MACROD2: variants seen among roughly 807,000 people sequenced by gnomAD.
The protein encoded by MACROD2 is ADP-ribose glycohydrolase MACROD2.
A neutral mutation model predicts 70.4 loss-of-function variants in MACROD2; 36 were observed. The ratio of observed to expected loss-of-function variants is 0.51; its 90% CI spans 0.39 to 0.68. The LOEUF (loss-of-function observed/expected upper bound fraction) is 0.68, where lower values mean the gene tolerates loss of function less well. MACROD2 is among the 30% of genes least tolerant of loss of function. The pLI is 0.00. For synonymous variants in MACROD2, 172 were observed against 178.8 expected (o/e 0.96, Z 0.30); for missense variants, 496 against 538.4 (o/e 0.92, Z 0.78).
At chr20:15,412,978 A>G (rs1473870297) in intron 6 of MACROD2, among the ~76,000 whole-genome samples, 2 of 152,230 alleles carry the variant, frequency 1.3e-5, no homozygotes, top group Non-Finnish European at 2.9e-5. Context: ...ATGCCTTACC[A>G]TAAGTAACTA....
intron 8 of MACROD2, among the ~76,000 whole-genome samples, chr20:15,652,133 G>C (rs1231564798): frequency 6.6e-6 from 1 of 152,104 alleles, no homozygotes; most frequent in Non-Finnish European, 1.5e-5. Flanking sequence ...TCAGAAACAA[G>C]CACTCACCTG....
chr20:15,387,219 A>C (rs2045725638), intron 6 of MACROD2, among the ~76,000 whole-genome samples: 1 of 152,168 alleles, frequency 6.6e-6, no homozygotes, highest in African/African-American at 2.4e-5. Context: ...GTGAGGTGAG[A>C]AGTTAATGTT....
At chr20:15,531,849 TA>T (rs2047806813) in intron 8 of MACROD2, among the ~76,000 whole-genome samples, 1 of 152,198 alleles carries the variant, frequency 6.6e-6, no homozygotes, top group Admixed American at 6.5e-5. Flanking sequence ...AAAGATCGAA[TA>T]ATTGCATTCT....
At chr20:15,497,833 G>C (rs1199306483) in intron 7 of MACROD2, among the ~76,000 whole-genome samples, 1 of 152,054 alleles carries the variant, frequency 6.6e-6, no homozygotes, top group Non-Finnish European at 1.5e-5. Context: ...CACTTGTCAT[G>C]CTGCATTTTG....
intron 3 of MACROD2, among the ~76,000 whole-genome samples, chr20:14,394,191 A>G (rs1459238848): frequency 6.6e-6 from 1 of 152,180 alleles, no homozygotes; most frequent in African/African-American, 2.4e-5. Context: ...GAATTTATAG[A>G]TCAATTTAAG....
chr20:14,321,662 C>T (rs1399559748), intron 3 of MACROD2, among the ~76,000 whole-genome samples: 1 of 152,164 alleles, frequency 6.6e-6, no homozygotes, highest in Non-Finnish European at 1.5e-5. Context: ...GCTTCAGATG[C>T]TTTAGGGCAT....
intron 3 of MACROD2, among the ~76,000 whole-genome samples, chr20:14,276,972 T>A (rs1242180745): frequency 6.6e-6 from 1 of 152,096 alleles, no homozygotes; most frequent in Non-Finnish European, 1.5e-5. Flanking sequence ...TTTAATTGAG[T>A]CTCCAAGACA....
chr20:15,768,568 A>G (rs2147011298), intron 8 of MACROD2, among the ~76,000 whole-genome samples: 1 of 152,326 alleles, frequency 6.6e-6, no homozygotes, highest in Middle Eastern at 3.4e-3. Context: ...ACTGCTGTAG[A>G]CTTCAGAAAC....
At chr20:14,694,776 G>A (rs1230441853) in intron 5 of MACROD2, among the ~76,000 whole-genome samples, 1 of 152,158 alleles carries the variant, frequency 6.6e-6, no homozygotes, top group Non-Finnish European at 1.5e-5. Context: ...TCAAGACTCA[G>A]ACATTTGCTC....
At chr20:15,486,253 A>G (rs970288818) in intron 7 of MACROD2, among the ~76,000 whole-genome samples, 4 of 152,128 alleles carry the variant, frequency 2.6e-5, no homozygotes, top group African/African-American at 9.7e-5. Flanking sequence ...GAGCCCACCT[A>G]TACTTCCAGT....
intron 3 of MACROD2, among the ~76,000 whole-genome samples, chr20:14,136,663 C>T (rs762627695): frequency 1.3e-5 from 2 of 152,096 alleles, no homozygotes; most frequent in Non-Finnish European, 2.9e-5. Context: ...TCAGGTGATT[C>T]TGATGCTCAA....
intron 8 of MACROD2, among the ~76,000 whole-genome samples, chr20:15,846,950 T>C (rs2064239601): frequency 1.1e-5 from 1 of 93,500 alleles, no homozygotes; most frequent in South Asian, 4.0e-4. Context: ...TATATATATA[T>C]ATGGCTTCTT....
chr20:14,060,789 T>C (rs1187701756), intron 2 of MACROD2, among the ~76,000 whole-genome samples: 1 of 152,152 alleles, frequency 6.6e-6, no homozygotes. Context: ...TGGTAAAAAA[T>C]GTTGAGCTTT....
intron 6 of MACROD2, among the ~76,000 whole-genome samples, chr20:15,362,108 T>C (rs975765585): frequency 1.3e-5 from 2 of 151,098 alleles, no homozygotes; most frequent in African/African-American, 2.4e-5. Flanking sequence ...GCCTCCCGGG[T>C]TCAAGCGATT....
intron 3 of MACROD2, among the ~76,000 whole-genome samples, chr20:14,343,292 A>G (rs987540711): frequency 6.6e-6 from 1 of 152,010 alleles, no homozygotes; most frequent in African/African-American, 2.4e-5. Flanking sequence ...GACTTGGAGG[A>G]AGCAGATTGA....
intron 6 of MACROD2, among the ~76,000 whole-genome samples, chr20:15,247,102 C>T (rs1415109558): frequency 1.3e-5 from 2 of 152,094 alleles, no homozygotes; most frequent in African/African-American, 4.8e-5. Flanking sequence ...TGGAAATGAT[C>T]TGGAATTAAA....
intron 3 of MACROD2, among the ~76,000 whole-genome samples, chr20:14,257,867 G>A (rs1298851843): frequency 6.7e-6 from 1 of 149,282 alleles, no homozygotes; most frequent in Admixed American, 6.7e-5. Flanking sequence ...CCAGTGTGTA[G>A]TCTTGTATTC....
chr20:15,606,768 C>T (rs573796030), intron 8 of MACROD2, among the ~76,000 whole-genome samples: 9 of 152,090 alleles, frequency 5.9e-5, no homozygotes, highest in East Asian at 1.9e-4. Flanking sequence ...TTTAGGAGGC[C>T]GAGGCAGGCG....
chr20:15,575,418 C>A (rs2146635342), intron 8 of MACROD2, among the ~76,000 whole-genome samples: 1 of 152,158 alleles, frequency 6.6e-6, no homozygotes, highest in South Asian at 2.1e-4. Flanking sequence ...TGAATGAATA[C>A]CATGCATAAA....
Sources: allele counts gnomAD v4.1 joint callset (sites outside exome capture counted in the v4.1 genomes callset), GRCh38; gene constraint gnomAD v4.1.1; transcripts MANE v1.5; gene names NCBI Gene and HGNC (gene_info 2026-07-23, HGNC 2026-07-21).